Variants in XG observed in about 807,000 individuals in gnomAD.
The protein encoded by XG is Xg glycoprotein (Xg blood group), also known as glycoprotein Xg.
In XG, 24 loss-of-function variants were observed where a neutral mutation model predicts 25.7. The observed-to-expected ratio is 0.93, with a 90% confidence interval of 0.68 to 1.31. The LOEUF (loss-of-function observed/expected upper bound fraction) is 1.31. Among genes scored for constraint, XG ranks in the 40% most tolerant of loss-of-function variants. The pLI, the probability that XG is intolerant of heterozygous loss-of-function variation, is 0.00. For missense variants in XG, 181 were observed against 187.6 expected (o/e 0.96, Z 0.21); for synonymous variants, 77 against 69.2 (o/e 1.11, Z -0.56).
chrX:2,814,360 T>TCAGAAC lies in XG; in HGVS notation c.574_579dup. On this transcript the variant is annotated splice_region_variant and splice_polypyrimidine_tract_variant and intron_variant, in intron 10 of 10. Transcript: ENST00000644266. ...ATGACATTTGTTTCTAATCTTCCTT[T>TCAGAAC]CAGAACCAGAAAATGTCTGAAGATG... The TCAGAAC allele has an allele frequency of 2.1e-5, 25 of 1,203,934 alleles. No individual in the cohort carries two copies. In the East Asian group the frequency reaches 7.4e-4, roughly 36 times the overall value.
Position 2,814,456 on chromosome X carries a change from T to TC in XG, c.*78dup, listed in dbSNP as rs2087086816. On this transcript the variant is annotated 3_prime_UTR_variant, in exon 11 of 11. Transcript: ENST00000644266. ...CGTGTTTATCACTGTTGTGGAGATT[T>TC]CCTTTTATTCTTGACACAATTTGAT... The TC allele has an allele frequency of 3.6e-6, 4 of 1,125,115 alleles. No individual in the cohort carries two copies. The Admixed American group carries it at 7.9e-5, about 22-fold the overall frequency. 92.7% of individuals were successfully genotyped at this position (1,125,115 alleles called of 1,213,427 possible).
At chrX:2,762,822 T>C (rs1044698412) in intron 1 of XG, among the ~76,000 whole-genome samples, 1 of 152,098 alleles carries the variant, frequency 6.6e-6, no homozygotes, top group African/African-American at 2.4e-5. Flanking sequence ...ACAACCCTCT[T>C]AGGGGCCTGC....
intron 6 of XG, among the ~76,000 whole-genome samples, chrX:2,795,721 C>T (rs1329276480): frequency 1.8e-5 from 2 of 110,287 alleles, no homozygotes; most frequent in Non-Finnish European, 3.8e-5. Flanking sequence ...AGCAGTGGCA[C>T]AATTTTGGCT....
chrX:2,765,480 A>G (rs2050664632), intron 1 of XG, among the ~76,000 whole-genome samples: 2 of 152,198 alleles, frequency 1.3e-5, no homozygotes, highest in Non-Finnish European at 2.9e-5. Context: ...GGATTGAATA[A>G]TGAAACAGAA....
At chrX:2,761,738 G>A (rs2050569681) in intron 1 of XG, among the ~76,000 whole-genome samples, 2 of 146,144 alleles carry the variant, frequency 1.4e-5, no homozygotes, top group East Asian at 4.1e-4. Context: ...GGACACAGAC[G>A]CACACAGAGG....
At chrX:2,767,731 G>A (rs1479509559) in intron 1 of XG, among the ~76,000 whole-genome samples, 4 of 152,162 alleles carry the variant, frequency 2.6e-5, no homozygotes, top group Non-Finnish European at 5.9e-5. Context: ...AGGACAGGGG[G>A]CCCTGCCTGG....
At chrX:2,785,334 T>C (rs1296912844) in intron 4 of XG, among the ~76,000 whole-genome samples, 1 of 111,963 alleles carries the variant, frequency 8.9e-6, no homozygotes, top group Admixed American at 9.5e-5. Flanking sequence ...GTCCCACACC[T>C]GTGAAGATGA....
intron 1 of XG, among the ~76,000 whole-genome samples, chrX:2,766,828 GT>G (rs1363776539): frequency 6.6e-6 from 1 of 152,064 alleles, no homozygotes; most frequent in African/African-American, 2.4e-5. Context: ...GCCTCCCAAA[GT>G]GCTGGGATTA....
intron 3 of XG, among the ~76,000 whole-genome samples, chrX:2,780,764 G>A (rs1433647258): frequency 6.6e-6 from 1 of 151,976 alleles, no homozygotes; most frequent in East Asian, 1.9e-4. Flanking sequence ...GAAAGGTGGA[G>A]CACTTGAAGC....
rs2086736827 is a variant in XG, at chrX:2,782,241, C to G, written c.190+113C>G. ...TTTGAAATATGTGTGTAATAGCTCC[C>G]TTACTGGGAATGTAGTTTCTTTCCT... is the stretch of plus-strand genomic sequence containing the variant. On this transcript the variant is annotated intron_variant, in intron 4 of 10. Transcript: ENST00000644266. The G allele has an allele frequency of 1.7e-5, 14 of 840,698 alleles. 1 individual carries two copies. The highest frequency in any genetic ancestry group is 2.3e-5 in the Non-Finnish European group (13 of 574,440). The allele number at this position is 840,698 out of a possible 1,213,427, so 69.3% of individuals were successfully genotyped here.
intron 4 of XG, among the ~76,000 whole-genome samples, chrX:2,788,725 C>T (rs2086808055): frequency 9.1e-6 from 1 of 110,335 alleles, no homozygotes; most frequent in East Asian, 2.8e-4. Flanking sequence ...CGTGGTGGCA[C>T]ACACCTGTAA....
Position 2,759,275 on chromosome X carries a change from C to G in XG, c.61+6940C>G, listed in dbSNP as rs888855955. Among the ~76,000 whole-genome samples the G allele has an allele frequency of 3.3e-5, 5 of 152,292 alleles. No homozygotes were observed. The East Asian group carries it at 9.6e-4, about 29-fold the overall frequency. Reference sequence around the variant, plus strand: ...ACCCATGACAGAGAGTTACGCAGCCCCAAGTGTCATTAGTGCTGTAGTGGA... The same window carrying G: ...ACCCATGACAGAGAGTTACGCAGCCGCAAGTGTCATTAGTGCTGTAGTGGA... On this transcript the variant is annotated intron_variant, in intron 1 of 10. Transcript: ENST00000644266.
At chrX:2,759,940 G>A (rs2050526653) in intron 1 of XG, among the ~76,000 whole-genome samples, 1 of 141,724 alleles carries the variant, frequency 7.1e-6, no homozygotes, top group Non-Finnish European at 1.5e-5. Context: ...CCCAACCTCT[G>A]GGAATGCTTC....
chrX:2,810,687 G>A (rs762368190), intron 9 of XG, among the ~76,000 whole-genome samples: 19 of 110,540 alleles, frequency 1.7e-4, no homozygotes, highest in African/African-American at 5.6e-4. Flanking sequence ...AGGCTGAGGC[G>A]AGTGGATCAC....
At chrX:2,753,213 C>T (rs2050370130) in intron 1 of XG, among the ~76,000 whole-genome samples, 1 of 152,090 alleles carries the variant, frequency 6.6e-6, no homozygotes, top group Non-Finnish European at 1.5e-5. Flanking sequence ...ATGGATAGAT[C>T]CTGGTGGACA....
intron 2 of XG, among the ~76,000 whole-genome samples, chrX:2,773,336 A>G (rs1310443552): frequency 1.3e-5 from 2 of 149,266 alleles, no homozygotes; most frequent in East Asian, 4.0e-4. Context: ...GGAAAGAAAG[A>G]AAAATAGGAG....
At chrX:2,808,327 A>C in intron 9 of XG, 107 bp downstream of exon 9, 1 of 996,043 alleles carries the variant, frequency 1.0e-6, no homozygotes. Context: ...CATGACTTTC[A>C]CGGAGCACTC....
Position 2,777,249 on chromosome X carries a change from A to G in XG, c.127+2510A>G, listed in dbSNP as rs755031897. Among the ~76,000 whole-genome samples the G allele has an allele frequency of 2.6e-5, 4 of 152,334 alleles. No homozygotes were observed. The South Asian group carries it at 8.3e-4, about 32-fold the overall frequency. On this transcript the variant is annotated intron_variant, in intron 3 of 10. Coordinates refer to ENST00000644266, the MANE Select transcript of XG (RefSeq NM_001141919.2). ...AAACTTAACTTCTGAAGATGAGGCT[A>G]CCTTCACAGAGAGGATAAGAAAGGA...
chrX:2,790,976 A>G (rs2086832416), intron 5 of XG, among the ~76,000 whole-genome samples: 1 of 91,571 alleles, frequency 1.1e-5, no homozygotes, highest in Non-Finnish European at 2.3e-5. Context: ...AATAAATTTA[A>G]ATGTTTTTGA....
Sources: gnomAD v4.1 joint callset for allele counts (sites outside exome capture counted in the v4.1 genomes callset) on GRCh38, gnomAD v4.1.1 for gene constraint, MANE v1.5 for transcripts, NCBI Gene and HGNC (gene_info 2026-07-23, HGNC 2026-07-21) for gene names.